DNAJC24: variants seen among roughly 807,000 people sequenced by gnomAD.
DNAJC24 encodes the protein dnaJ homolog subfamily C member 24.
Under a neutral mutation model 18.0 loss-of-function variants are expected in DNAJC24, and 17 were observed. The observed-to-expected ratio is 0.94, with a 90% CI of 0.65 to 1.42. The LOEUF (loss-of-function observed/expected upper bound fraction) is 1.42. Ranked by LOEUF, DNAJC24 falls within the 40% of genes most tolerant of loss-of-function variation. The pLI, the probability that DNAJC24 is intolerant of heterozygous loss-of-function variation, is 0.00. For missense variants in DNAJC24, 158 were observed against 175.6 expected (o/e 0.90, Z 0.57); for synonymous variants, 55 against 57.7 (o/e 0.95, Z 0.21).
intron 2 of DNAJC24, among the ~76,000 whole-genome samples, chr11:31,391,953 A>C (rs747495141): frequency 1.6e-4 from 25 of 152,214 alleles, no homozygotes; most frequent in Non-Finnish European, 3.4e-4. Context: ...AACAACATGC[A>C]TGGAAAGAAG....
chr11:31,400,152 A>G lies in DNAJC24; in HGVS notation c.112-14659A>G, dbSNP rs1413671614. On this transcript the variant is annotated intron_variant, in intron 2 of 4. Transcript: ENST00000465995. ...TATATATGCCACATTTTCTTTATCC[A>G]ATCTATCACTGATAGGCATCTGGGT... Among the ~76,000 whole-genome samples the G allele has an allele frequency of 2.0e-5, 3 of 152,112 alleles. No homozygotes were observed. The East Asian group carries it at 5.8e-4, about 29-fold the overall frequency.
At position 31,431,963 on chromosome 11, in the gene DNAJC24, A is replaced by G; in HGVS notation, c.*1562A>G. ...ACTACAGATGGCATATGCCTTAAAG[A>G]TGCATTTTTCTATGTATTTAATATT... On this transcript the variant is annotated 3_prime_UTR_variant, in exon 5 of 5. Coordinates refer to ENST00000465995, the MANE Select transcript of DNAJC24 (RefSeq NM_181706.5). The G allele has an allele frequency of 6.6e-6, 1 of 152,532 alleles. No homozygotes were observed. Among genetic ancestry groups the G allele is most frequent in the Non-Finnish European group, 1.5e-5 (1 of 68,316 alleles). 9.4% of individuals were successfully genotyped at this position (152,532 alleles called of 1,614,324 possible).
At chr11:31,411,478 G>A (rs1171521495) in intron 2 of DNAJC24, among the ~76,000 whole-genome samples, 4 of 152,296 alleles carry the variant, frequency 2.6e-5, no homozygotes, top group African/African-American at 9.6e-5. Flanking sequence ...TAACTGGGCT[G>A]AGTTCAAAGT....
intron 2 of DNAJC24, among the ~76,000 whole-genome samples, chr11:31,379,924 A>AT (rs1056031717): frequency 1.7e-4 from 26 of 150,714 alleles, no homozygotes; most frequent in South Asian, 1.7e-3. Flanking sequence ...CACTCAGCTA[A>AT]TTTTTTTTTC....
chr11:31,392,197 G>A (rs1564950128), intron 2 of DNAJC24, among the ~76,000 whole-genome samples: 1 of 151,976 alleles, frequency 6.6e-6, no homozygotes, highest in Non-Finnish European at 1.5e-5. Context: ...AGCACAACAG[G>A]GTGACTGCAG....
intron 2 of DNAJC24, among the ~76,000 whole-genome samples, chr11:31,383,201 G>A (rs1490374470): frequency 1.3e-5 from 2 of 151,736 alleles, no homozygotes; most frequent in Non-Finnish European, 2.9e-5. Flanking sequence ...TTAAATCAGT[G>A]GCTGCTGGTG....
At chr11:31,405,983 C>G (rs1209732766) in intron 2 of DNAJC24, among the ~76,000 whole-genome samples, 1 of 152,202 alleles carries the variant, frequency 6.6e-6, no homozygotes, top group African/African-American at 2.4e-5. Context: ...GAGGGCAGAG[C>G]AGTCATGGCC....
intron 2 of DNAJC24, among the ~76,000 whole-genome samples, chr11:31,397,457 T>G (rs549176286): frequency 6.6e-6 from 1 of 150,498 alleles, no homozygotes; most frequent in African/African-American, 2.5e-5. Flanking sequence ...TAGTGTGTTG[T>G]ACTTGACTTT....
chr11:31,408,007 G>A (rs1952672560), intron 2 of DNAJC24: 1 of 437,370 alleles, frequency 2.3e-6, no homozygotes, highest in Admixed American at 2.4e-5. Context: ...AATACAAACA[G>A]TGGAATGAAG....
intron 2 of DNAJC24, among the ~76,000 whole-genome samples, chr11:31,404,186 C>T (rs1212252233): frequency 1.3e-5 from 2 of 152,134 alleles, no homozygotes; most frequent in African/African-American, 2.4e-5. Flanking sequence ...GTCTTTATGA[C>T]CTGTATCTTG....
rs1952935246 is a variant in DNAJC24 at position 31,432,344 on chromosome 11, C to T, written c.*1943C>T. 2 of 545,476 alleles carry T rather than the reference C, an allele frequency of 3.7e-6. No individual in the cohort carries two copies. The highest frequency in any genetic ancestry group is 6.5e-6 in the Non-Finnish European group (2 of 306,012). 33.8% of individuals were successfully genotyped at this position (545,476 alleles called of 1,614,324 possible). A position where few individuals can be genotyped will look rare whatever the true frequency, so the allele number is the denominator to read the frequency against. On this transcript the variant is annotated 3_prime_UTR_variant, in exon 5 of 5. Coordinates refer to ENST00000465995, the MANE Select transcript of DNAJC24 (RefSeq NM_181706.5). ...ATCCATATATTTTGAACTAACAGAA[C>T]TTGGCAGAATGTGTGTTGAATATTC...
At chr11:31,403,296 C>G (rs1031509360) in intron 2 of DNAJC24, among the ~76,000 whole-genome samples, 3 of 152,058 alleles carry the variant, frequency 2.0e-5, no homozygotes, top group African/African-American at 4.8e-5. Context: ...AAGTGAGACA[C>G]TTTTTTCAGG....
intron 2 of DNAJC24, among the ~76,000 whole-genome samples, chr11:31,391,962 A>G (rs2133478893): frequency 6.6e-6 from 1 of 152,308 alleles, no homozygotes; most frequent in Middle Eastern, 3.4e-3. Flanking sequence ...CATGGAAAGA[A>G]GAGGACATTA....
At chr11:31,409,888 C>CTTT (rs34773636) in intron 2 of DNAJC24, among the ~76,000 whole-genome samples, 1 of 137,642 alleles carries the variant, frequency 7.3e-6, no homozygotes, top group African/African-American at 2.7e-5. Flanking sequence ...TTTTCTTTTT[C>CTTT]TTTTTTTTTT....
In DNAJC24 at chr11:31,430,822, G is replaced by C. The variant is rs143378856; in HGVS notation, c.*421G>C. On this transcript the variant is annotated 3_prime_UTR_variant, in exon 5 of 5. Transcript: ENST00000465995. Reference sequence around the variant, plus strand: ...AAGTTATGGGGCTGTTGTACACCTAGAATCTTTGTGAATAATGTGAGGCCA... The same window carrying C: ...AAGTTATGGGGCTGTTGTACACCTACAATCTTTGTGAATAATGTGAGGCCA... 1 of 152,724 alleles carries C rather than the reference G, an allele frequency of 6.5e-6. No individual in the cohort carries two copies. Among genetic ancestry groups the C allele is most frequent in the East Asian group, 1.9e-4 (1 of 5,174 alleles). The allele number at this position is 152,724 out of a possible 1,614,324, so 9.5% of individuals were successfully genotyped here.
chr11:31,419,194 A>G (rs567955861), intron 3 of DNAJC24, among the ~76,000 whole-genome samples: 4 of 152,216 alleles, frequency 2.6e-5, no homozygotes, highest in Non-Finnish European at 4.4e-5. Flanking sequence ...TAATATTTCC[A>G]TTTGATTTTA....
At chr11:31,378,182 T>C (rs1237128283) in intron 2 of DNAJC24, among the ~76,000 whole-genome samples, 1 of 148,778 alleles carries the variant, frequency 6.7e-6, no homozygotes, top group Non-Finnish European at 1.5e-5. Context: ...TACTTAGGCA[T>C]TAAGAGAAAT....
intron 1 of DNAJC24, among the ~76,000 whole-genome samples, 162 bp from the exon 2 acceptor site, chr11:31,370,554 G>A (rs1047578262): frequency 1.3e-5 from 2 of 151,954 alleles, no homozygotes; most frequent in Non-Finnish European, 2.9e-5. Context: ...ACTTATACCT[G>A]GAATTCTTGG....
chr11:31,372,543 T>C lies in DNAJC24; in HGVS notation c.111+1684T>C, dbSNP rs1255723494. On this transcript the variant is annotated intron_variant, in intron 2 of 4. Transcript: ENST00000465995. ...CATCCTTGTACCTCACTCAGTTAAT[T>C]GGGAAATGAACCTGGAAAAGTAGAC... Among the ~76,000 whole-genome samples, 2 of 135,736 alleles carry C rather than the reference T, an allele frequency of 1.5e-5. 1 individual carries two copies. Among genetic ancestry groups the C allele is most frequent in the Non-Finnish European group, 3.4e-5 (2 of 58,700 alleles). The allele number at this position is 135,736 out of a possible 152,430, so 89.0% of individuals were successfully genotyped here.
Sources: allele counts gnomAD v4.1 joint callset (sites outside exome capture counted in the v4.1 genomes callset), GRCh38; gene constraint gnomAD v4.1.1; transcripts MANE v1.5; gene names NCBI Gene and HGNC (gene_info 2026-07-23, HGNC 2026-07-21).